DEF6: variants seen among roughly 807,000 people sequenced by gnomAD.
DEF6 encodes the protein differentially expressed in FDCP 6 homolog.
Under a neutral mutation model 80.5 loss-of-function variants are expected in DEF6, and 32 were observed. The observed-to-expected ratio is 0.40, with a 90% confidence interval of 0.30 to 0.53. The LOEUF (loss-of-function observed/expected upper bound fraction) is 0.53, where lower values mean the gene tolerates loss of function less well. Ranked by LOEUF, DEF6 falls within the 20% of genes least tolerant of loss-of-function variation. DEF6 has a pLI of 0.57. For missense variants in DEF6, 575 were observed against 818.7 expected (o/e 0.70, Z 3.63); for synonymous variants, 300 against 337.9 (o/e 0.89, Z 1.23).
chr6:35,319,656 C>G lies in DEF6; in HGVS notation c.1348C>G (p.Arg450Gly), dbSNP rs1170561354. 1 of 1,613,252 alleles carries G rather than the reference C, an allele frequency of 6.2e-7. No homozygotes were observed. Among genetic ancestry groups the G allele is most frequent in the East Asian group, 2.2e-5 (1 of 44,852 alleles). The change falls in exon 8 of 11, where the codon CGA becomes GGA. Residue 450 changes from arginine to glycine, a missense_variant. Arg to Gly is a moderately radical substitution (Grantham distance 125). Coordinates refer to ENST00000316637, the MANE Select transcript of DEF6 (RefSeq NM_022047.4). This position sits in a 1 kb window ranked among gnomAD's most constrained non-coding sequence, Gnocchi z 4.5. ...CCTGCAACTAGAGGTGAAAGCTCGG[C>G]GAGATGAAGAATCTGTGCGAATCGC... is the stretch of plus-strand genomic sequence containing the variant. ...EALQLEVKAR[R>G]DEESVRIAQT...
At position 35,297,833 on chromosome 6, in the gene DEF6, C is replaced by A. The variant is rs754344056; in HGVS notation, c.-24C>A. 1.2e-5 allele frequency: 19 copies of A among 1,572,134 alleles called. No individual in the cohort carries two copies. Among genetic ancestry groups the A allele is most frequent in the East Asian group, 2.3e-5 (1 of 43,562 alleles). On this transcript the variant is annotated 5_prime_UTR_variant, in exon 1 of 11. Transcript: ENST00000316637. Reference sequence around the variant, plus strand: ...ACCGGATCTTAGTGTCAGAGCCGCCCCCAGCCGGGCGGGCGCCTCAGCCAT... The same window carrying A: ...ACCGGATCTTAGTGTCAGAGCCGCCACCAGCCGGGCGGGCGCCTCAGCCAT...
Position 35,310,445 on chromosome 6 carries a change from A to G in DEF6, c.238-14A>G, listed in dbSNP as rs376192997. Reference sequence around the variant, plus strand: ...TGAGATATGCAGTCAGCTGATTTGCAGCCCTGGTGGCAGGTGGAGGAGGGG... The same window carrying G: ...TGAGATATGCAGTCAGCTGATTTGCGGCCCTGGTGGCAGGTGGAGGAGGGG... On this transcript the variant is annotated splice_polypyrimidine_tract_variant and intron_variant, in intron 2 of 10. Coordinates refer to ENST00000316637, the MANE Select transcript of DEF6 (RefSeq NM_022047.4). 1.4e-5 allele frequency: 23 copies of G among 1,612,162 alleles called. No individual in the cohort carries two copies. Among genetic ancestry groups the G allele is most frequent in the Non-Finnish European group, 1.9e-5 (23 of 1,179,998 alleles).
chr6:35,321,392 T>C lies in DEF6; in HGVS notation c.1878T>C (p.Asp626=). ...PASTPQEDKL[D]PAPEN Reference sequence around the variant, plus strand: ...CCACCCCTCAGGAAGATAAACTGGATCCAGCACCAGAAAATTAGCCTCTCT... The same window carrying C: ...CCACCCCTCAGGAAGATAAACTGGACCCAGCACCAGAAAATTAGCCTCTCT... Residue 626 remains aspartate, a synonymous_variant, in exon 11 of 11, where the codon GAT becomes GAC. Transcript: ENST00000316637. The C allele has an allele frequency of 1.2e-6, 2 of 1,613,708 alleles. No individual in the cohort carries two copies. The highest frequency in any genetic ancestry group is 1.7e-6 in the Non-Finnish European group (2 of 1,179,680).
intron 3 of DEF6, 31 bp downstream of exon 3, chr6:35,310,675 T>G (rs1213799245): frequency 5.6e-6 from 9 of 1,613,370 alleles, no homozygotes; most frequent in Non-Finnish European, 7.6e-6. Flanking sequence ...AGGGACTGAA[T>G]CACTTGGGAC....
intron 2 of DEF6, among the ~76,000 whole-genome samples, chr6:35,310,171 C>T (rs950319588): frequency 1.3e-5 from 2 of 152,174 alleles, no homozygotes; most frequent in African/African-American, 4.8e-5. Flanking sequence ...TTTCCAGGTT[C>T]TTGGCTCTTA....
At chr6:35,309,266 G>A (rs1298635299) in intron 1 of DEF6, among the ~76,000 whole-genome samples, 1 of 152,166 alleles carries the variant, frequency 6.6e-6, no homozygotes, top group African/African-American at 2.4e-5. Flanking sequence ...TGTTCAGTGT[G>A]GGTCTTTTGG....
intron 1 of DEF6, among the ~76,000 whole-genome samples, chr6:35,307,270 G>A (rs1016636651): frequency 6.6e-6 from 1 of 152,198 alleles, no homozygotes; most frequent in African/African-American, 2.4e-5. Flanking sequence ...ATAGTGGCAC[G>A]CGTCAGCAAT....
intron 1 of DEF6, among the ~76,000 whole-genome samples, chr6:35,302,856 G>C (rs1791333445): frequency 6.6e-6 from 1 of 152,184 alleles, no homozygotes; most frequent in African/African-American, 2.4e-5. Flanking sequence ...ATCAAGAGCA[G>C]GGCTTTGGAG....
intron 9 of DEF6, among the ~76,000 whole-genome samples, 163 bp from the exon 10 acceptor site, chr6:35,320,721 A>C (rs1163808768): frequency 6.6e-6 from 1 of 152,216 alleles, no homozygotes; most frequent in Non-Finnish European, 1.5e-5. Flanking sequence ...GGCAAACTCT[A>C]TTCATGTATG....
At position 35,312,416 on chromosome 6, in the gene DEF6, A is replaced by G; in HGVS notation, c.538A>G (p.Ser180Gly). The stretch of plus-strand genomic sequence containing the variant: ...GGTGGCCCAGACCACCGGGGGGCTC[A>G]GCGTCTGGCAGTTCCTGGAGCTCTT... ...AQVAQTTGGL[S>G]VWQFLELFNS... is the part of the protein sequence containing the mutation. Residue 180 changes from serine to glycine, a missense_variant, in exon 4 of 11, where the codon AGC becomes GGC. Transcript: ENST00000316637. The surrounding 1 kb of genome is among the most constrained non-coding windows in gnomAD (Gnocchi z 6.6). 1.2e-6 allele frequency: 2 copies of G among 1,614,168 alleles called. No individual in the cohort carries two copies. The highest frequency in any genetic ancestry group is 1.7e-6 in the Non-Finnish European group (2 of 1,180,026).
chr6:35,310,895 A>T (rs1791458001), intron 3 of DEF6, among the ~76,000 whole-genome samples: 1 of 152,230 alleles, frequency 6.6e-6, no homozygotes, highest in African/African-American at 2.4e-5. Context: ...TCACTGTAGG[A>T]AAATGATCTG....
In DEF6 at chr6:35,319,334, C is replaced by T. The variant is rs1470379203; in HGVS notation, c.1216-190C>T. Among the ~76,000 whole-genome samples, 1 of 152,094 alleles carries T rather than the reference C, an allele frequency of 6.6e-6. No individual in the cohort carries two copies. On this transcript the variant is annotated intron_variant, in intron 7 of 10. Transcript: ENST00000316637. This position sits in a 1 kb window ranked among gnomAD's most constrained non-coding sequence, Gnocchi z 4.5. The stretch of plus-strand genomic sequence containing the variant: ...ACTTGAGCCCGTTTCCCCCACGTGG[C>T]ATCTGTTCACCGACCATTATCTGTT...
At position 35,319,975 on chromosome 6, in the gene DEF6, G is replaced by C; in HGVS notation, c.1539G>C (p.Glu513Asp). ...TGCAGCAGGCCCAGCAGCAGCTGGAGGAGGTGCGGCAGAACCGGCAGAGGG... is the reference window on the plus strand; with the variant it reads ...TGCAGCAGGCCCAGCAGCAGCTGGACGAGGTGCGGCAGAACCGGCAGAGGG... ...RSLQQAQQQLEEVRQNRQRAD... is the reference protein window; with the variant it reads ...RSLQQAQQQLDEVRQNRQRAD... Residue 513 changes from glutamate (E) to aspartate (D), a missense_variant, in exon 9 of 11, where the codon GAG (glutamate) becomes GAC (aspartate). By Grantham distance (45) the Glu-to-Asp change is conservative (BLOSUM62 2). Coordinates refer to ENST00000316637, the MANE Select transcript of DEF6 (RefSeq NM_022047.4). The surrounding 1 kb of genome is among the most constrained non-coding windows in gnomAD (Gnocchi z 4.5). 1.9e-6 allele frequency: 3 copies of C among 1,565,786 alleles called. No individual in the cohort carries two copies. The highest frequency in any genetic ancestry group is 2.6e-6 in the Non-Finnish European group (3 of 1,154,604).
intron 1 of DEF6, among the ~76,000 whole-genome samples, chr6:35,307,524 G>A (rs1475094226): frequency 6.6e-6 from 1 of 152,206 alleles, no homozygotes; most frequent in Non-Finnish European, 1.5e-5. Flanking sequence ...TCTTGAGGTG[G>A]TCACCCTGGG....
chr6:35,307,928 T>A (rs1392670372), intron 1 of DEF6, among the ~76,000 whole-genome samples: 1 of 152,164 alleles, frequency 6.6e-6, no homozygotes, highest in Non-Finnish European at 1.5e-5. Flanking sequence ...CAAGGTGAAC[T>A]GCTGGTGGTG....
At chr6:35,314,438 A>AT (rs1296647124) in intron 5 of DEF6, among the ~76,000 whole-genome samples, 35 of 145,432 alleles carry the variant, frequency 2.4e-4, no homozygotes, top group Admixed American at 1.5e-3. Context: ...GATGTTCTCT[A>AT]TTTTTTTTGT....
chr6:35,314,389 A>G (rs1401305887), intron 5 of DEF6, among the ~76,000 whole-genome samples: 1 of 144,814 alleles, frequency 6.9e-6, no homozygotes, highest in Non-Finnish European at 1.5e-5. Context: ...CCTGGGTGAC[A>G]GGAGTGAAAC....
chr6:35,316,895 A>G (rs1791530808), intron 5 of DEF6, among the ~76,000 whole-genome samples: 1 of 152,182 alleles, frequency 6.6e-6, no homozygotes, highest in Non-Finnish European at 1.5e-5. Context: ...CCCAGCTCCT[A>G]GTATCCTCTA....
intron 5 of DEF6, chr6:35,316,268 G>A (rs1303293021): frequency 6.6e-6 from 1 of 151,790 alleles, no homozygotes; most frequent in Non-Finnish European, 1.5e-5. Context: ...GCTTCCCAAA[G>A]TGTTAGGATT....
Sources: allele counts gnomAD v4.1 joint callset (sites outside exome capture counted in the v4.1 genomes callset), GRCh38; gene constraint gnomAD v4.1.1; non-coding constraint Gnocchi (gnomAD v3.1); transcripts MANE v1.5; gene names NCBI Gene and HGNC (gene_info 2026-07-23, HGNC 2026-07-21).